CPNE4: variants seen among roughly 807,000 people sequenced by gnomAD.
The protein encoded by CPNE4 is copine 4.
A neutral mutation model predicts 67.9 loss-of-function variants in CPNE4; 25 were observed. The observed-to-expected ratio is 0.37, with a 90% confidence interval of 0.27 to 0.51. The LOEUF (loss-of-function observed/expected upper bound fraction) is 0.51. Among genes scored for constraint, CPNE4 ranks in the 20% least tolerant of loss-of-function variants. The probability of loss-of-function intolerance (pLI) is 0.93; values close to 1 mark genes in which losing one functional copy is unlikely to be tolerated. For missense variants in CPNE4, 464 were observed against 690.8 expected (o/e 0.67, Z 3.68); for synonymous variants, 242 against 244.9 (o/e 0.99, Z 0.11).
chr3:131,713,630 A>G (rs2081612811), intron 3 of CPNE4, among the ~76,000 whole-genome samples: 1 of 152,172 alleles, frequency 6.6e-6, no homozygotes, highest in Non-Finnish European at 1.5e-5. Context: ...CAAACTGCCC[A>G]AGGCCATACA....
chr3:132,005,344 C>T (rs61315633), intron 1 of CPNE4, among the ~76,000 whole-genome samples: 2,864 of 11,728 alleles, frequency 0.24, 143 homozygotes, highest in African/African-American at 0.42. Flanking sequence ...TATATATATA[C>T]ACACACACAC....
chr3:131,684,746 G>C (rs115774810), intron 6 of CPNE4, among the ~76,000 whole-genome samples: 62 of 152,272 alleles, frequency 4.1e-4, no homozygotes, highest in African/African-American at 1.5e-3. Flanking sequence ...AAGTAATTCA[G>C]CACAAGAATA....
At chr3:131,854,454 AT>A (rs1253169896) in intron 2 of CPNE4, among the ~76,000 whole-genome samples, 1 of 151,950 alleles carries the variant, frequency 6.6e-6, no homozygotes, top group African/African-American at 2.4e-5. Context: ...ACCTAAGTGT[AT>A]ATACATGTCA....
chr3:131,716,670 C>T (rs1365084840), intron 3 of CPNE4, among the ~76,000 whole-genome samples: 2 of 152,186 alleles, frequency 1.3e-5, no homozygotes, highest in Non-Finnish European at 2.9e-5. Context: ...TAACAGCTTC[C>T]CCATCCCGAG....
At chr3:131,917,644 G>A (rs1056417710) in intron 1 of CPNE4, among the ~76,000 whole-genome samples, 7 of 152,140 alleles carry the variant, frequency 4.6e-5, no homozygotes, top group Non-Finnish European at 8.8e-5. Flanking sequence ...ACATAACAAT[G>A]TGAGAAATGC....
intron 7 of CPNE4, among the ~76,000 whole-genome samples, chr3:131,658,305 T>G (rs371465817): frequency 6.6e-6 from 1 of 152,260 alleles, no homozygotes; most frequent in South Asian, 2.1e-4. Context: ...ACTGGAGCCA[T>G]GCAGCACGAG....
At chr3:131,958,452 G>C (rs1481926656) in intron 1 of CPNE4, among the ~76,000 whole-genome samples, 1 of 152,020 alleles carries the variant, frequency 6.6e-6, no homozygotes, top group African/African-American at 2.4e-5. Context: ...CCAGGAAGCT[G>C]TTTCAGCAAG....
At chr3:131,744,969 C>T (rs2082453662) in intron 2 of CPNE4, among the ~76,000 whole-genome samples, 2 of 152,078 alleles carry the variant, frequency 1.3e-5, no homozygotes, top group Non-Finnish European at 1.5e-5. Flanking sequence ...ATTGCTGAGT[C>T]GTATGGTAGT....
chr3:131,911,275 G>GA (rs11407912), intron 1 of CPNE4, among the ~76,000 whole-genome samples: 112,603 of 151,838 alleles, frequency 0.74, 41,910 homozygotes, highest in Admixed American at 0.82. Context: ...ACGCTGAAAG[G>GA]AATGAATTCT....
At chr3:132,004,648 T>A (rs900465025) in intron 1 of CPNE4, among the ~76,000 whole-genome samples, 1 of 152,060 alleles carries the variant, frequency 6.6e-6, no homozygotes, top group South Asian at 2.1e-4. Context: ...AACAATTTCC[T>A]GAACTAAAAC....
At chr3:131,727,295 T>A (rs1439017564) in intron 2 of CPNE4, among the ~76,000 whole-genome samples, 2 of 152,026 alleles carry the variant, frequency 1.3e-5, no homozygotes, top group Non-Finnish European at 1.5e-5. Context: ...GAGAAGCTTT[T>A]AAAAATATCT....
intron 2 of CPNE4, among the ~76,000 whole-genome samples, chr3:131,766,471 C>A (rs1002014894): frequency 6.6e-6 from 1 of 152,024 alleles, no homozygotes; most frequent in African/African-American, 2.4e-5. Context: ...GTAGCATTTG[C>A]CAATTTTCAA....
At chr3:131,622,724 G>T (rs888952441) in intron 7 of CPNE4, among the ~76,000 whole-genome samples, 2 of 152,152 alleles carry the variant, frequency 1.3e-5, no homozygotes, top group African/African-American at 4.8e-5. Context: ...AGGGAAGGGG[G>T]AAATAATTGA....
chr3:131,781,287 A>T (rs1431190640), intron 2 of CPNE4, among the ~76,000 whole-genome samples: 1 of 152,116 alleles, frequency 6.6e-6, no homozygotes, highest in Non-Finnish European at 1.5e-5. Context: ...AGTTTTCAGG[A>T]ATAAATATAC....
intron 2 of CPNE4, among the ~76,000 whole-genome samples, chr3:131,841,178 T>C (rs2085767390): frequency 6.6e-6 from 1 of 152,170 alleles, no homozygotes; most frequent in South Asian, 2.1e-4. Flanking sequence ...AGGGAATCAA[T>C]GTTTGGTTTA....
chr3:131,941,737 T>C (rs1444386847), intron 1 of CPNE4, among the ~76,000 whole-genome samples: 1 of 152,130 alleles, frequency 6.6e-6, no homozygotes, highest in Non-Finnish European at 1.5e-5. Flanking sequence ...AGTCCCCTAA[T>C]CATCCTTGCA....
intron 2 of CPNE4, among the ~76,000 whole-genome samples, chr3:131,843,223 G>A (rs774486612): frequency 6.6e-6 from 1 of 152,188 alleles, no homozygotes; most frequent in Non-Finnish European, 1.5e-5. Context: ...GAGACTTCTG[G>A]AAGGCAGTGG....
intron 1 of CPNE4, among the ~76,000 whole-genome samples, chr3:131,934,000 A>G (rs2071145492): frequency 6.6e-6 from 1 of 152,188 alleles, no homozygotes; most frequent in Non-Finnish European, 1.5e-5. Flanking sequence ...TGAATAGAAC[A>G]TGAGAGAGAT....
chr3:131,929,217 A>C (rs73206088), intron 1 of CPNE4, among the ~76,000 whole-genome samples: 9,301 of 97,310 alleles, frequency 0.096, 434 homozygotes, highest in East Asian at 0.22. Flanking sequence ...AAAAAAAAAA[A>C]AGATTTTCAG....
Sources: allele counts gnomAD v4.1 joint callset (sites outside exome capture counted in the v4.1 genomes callset), GRCh38; gene constraint gnomAD v4.1.1; transcripts MANE v1.5; gene names NCBI Gene and HGNC (gene_info 2026-07-23, HGNC 2026-07-21).